CCDC192: variants seen among roughly 807,000 people sequenced by gnomAD.
CCDC192 encodes coiled-coil domain-containing protein 192.
chr5:127,759,984 G>T (rs1754821843), intron 3 of CCDC192, among the ~76,000 whole-genome samples: 1 of 152,116 alleles, frequency 6.6e-6, no homozygotes, highest in Admixed American at 6.6e-5. Context: ...TGGCAAGCTG[G>T]GGCAGGGAGG....
chr5:127,828,552 C>T (rs180765909), intron 5 of CCDC192, among the ~76,000 whole-genome samples: 1 of 152,306 alleles, frequency 6.6e-6, no homozygotes, highest in Admixed American at 6.5e-5. Flanking sequence ...GCCTGTGTCT[C>T]TTCTGGTACT....
chr5:127,899,167 T>TG (rs1389207330), intron 6 of CCDC192, among the ~76,000 whole-genome samples: 1 of 152,118 alleles, frequency 6.6e-6, no homozygotes, highest in Non-Finnish European at 1.5e-5. Context: ...TTTGCGTTTT[T>TG]GGGGGGAGTG....
intron 5 of CCDC192, among the ~76,000 whole-genome samples, chr5:127,800,446 TG>T (rs935371963): frequency 3.7e-5 from 4 of 109,056 alleles, no homozygotes; most frequent in Non-Finnish European, 7.6e-5. Context: ...CAAAGTTAAA[TG>T]GGTTTATTTC....
rs1754395683 is a variant in CCDC192, at chr5:127,941,269, C to T, written c.623C>T (p.Thr208Ile). 2 of 398,864 alleles carry T rather than the reference C, an allele frequency of 5.0e-6. No individual in the cohort carries two copies. Among genetic ancestry groups the T allele is most frequent in the African/African-American group, 2.1e-5 (1 of 48,604 alleles). The allele number at this position is 398,864 out of a possible 1,614,324, so 24.7% of individuals were successfully genotyped here. ...ATTAGCCTGATAATGGAACTGTCAA[C>T]CCAGGTTTCCCTTCAGACTGAGAGA... ...RKISLIMELS[T>I]QVSLQTERIT... is the part of the protein sequence containing the mutation. The change falls in exon 7 of 7, where the codon ACC becomes ATC. Residue 208 changes from threonine (T) to isoleucine (I), a missense_variant. Transcript: ENST00000514853.
intron 5 of CCDC192, among the ~76,000 whole-genome samples, chr5:127,822,917 A>G (rs962959684): frequency 1.3e-5 from 2 of 152,168 alleles, no homozygotes; most frequent in African/African-American, 4.8e-5. Flanking sequence ...TCTGCCTTGT[A>G]GGCTGGATAT....
In CCDC192 at chr5:127,884,342, C is replaced by CAAAAAAAAAAAAAAAAAAAAAAAAAAAA. The variant is rs778430655; in HGVS notation, c.535+8708_535+8709insAAAAAAAAAAAAAAAAAAAAAAAAAAAA. Among the ~76,000 whole-genome samples the CAAAAAAAAAAAAAAAAAAAAAAAAAAAA allele has an allele frequency of 1.6e-3, 19 of 11,854 alleles. 1 individual carries two copies. The highest frequency in any genetic ancestry group is 6.1e-3 in the Admixed American group (4 of 656). The allele number at this position is 11,854 out of a possible 152,430, so 7.8% of individuals were successfully genotyped here. Reference sequence around the variant, plus strand: ...TGGGCGACAGAGCAAGACTCCGTCTCAAAAAAAAAAAAAAAAAAAAAAAAA... The same window carrying CAAAAAAAAAAAAAAAAAAAAAAAAAAAA: ...TGGGCGACAGAGCAAGACTCCGTCTCAAAAAAAAAAAAAAAAAAAAAAAAAAAAAAAAAAAAAAAAAAAAAAAAAAAAA... On this transcript the variant is annotated intron_variant, in intron 6 of 6. Coordinates refer to ENST00000514853, the MANE Select transcript of CCDC192 (RefSeq NM_001317938.2).
intron 2 of CCDC192, among the ~76,000 whole-genome samples, chr5:127,715,641 G>A (rs915856183): frequency 4.6e-5 from 7 of 152,028 alleles, no homozygotes; most frequent in African/African-American, 1.4e-4. Flanking sequence ...ATTTTGATAG[G>A]GATTGCATTT....
intron 3 of CCDC192, among the ~76,000 whole-genome samples, chr5:127,787,215 G>A (rs572776096): frequency 1.4e-4 from 21 of 152,098 alleles, no homozygotes; most frequent in Non-Finnish European, 2.8e-4. Flanking sequence ...CATCTCCATG[G>A]TACCCAAAAG....
chr5:127,910,207 C>T (rs1326327901), intron 6 of CCDC192, among the ~76,000 whole-genome samples: 1 of 152,184 alleles, frequency 6.6e-6, no homozygotes, highest in East Asian at 1.9e-4. Flanking sequence ...TAATATGTGC[C>T]TTTATGGCTG....
chr5:127,910,045 A>G (rs543065912), intron 6 of CCDC192, among the ~76,000 whole-genome samples: 1 of 151,874 alleles, frequency 6.6e-6, no homozygotes, highest in Non-Finnish European at 1.5e-5. Context: ...TTAAACTTAG[A>G]CAAAACAGGC....
At chr5:127,886,712 A>G (rs1013495746) in intron 6 of CCDC192, among the ~76,000 whole-genome samples, 3 of 152,192 alleles carry the variant, frequency 2.0e-5, no homozygotes. Flanking sequence ...ACAGCAGGCT[A>G]TTAGTAGTTC....
At chr5:127,722,450 GC>G (rs1476488777) in intron 2 of CCDC192, among the ~76,000 whole-genome samples, 2 of 152,030 alleles carry the variant, frequency 1.3e-5, no homozygotes, top group African/African-American at 2.4e-5. Flanking sequence ...CTATACAGAA[GC>G]TTTTTAATGT....
chr5:127,935,018 T>C (rs1395836917), intron 6 of CCDC192, among the ~76,000 whole-genome samples: 1 of 152,192 alleles, frequency 6.6e-6, no homozygotes, highest in African/African-American at 2.4e-5. Context: ...TCACCGGTGA[T>C]CCTTGTTGGG....
intron 5 of CCDC192, among the ~76,000 whole-genome samples, chr5:127,839,258 A>G (rs1750169958): frequency 6.6e-6 from 1 of 152,236 alleles, no homozygotes; most frequent in South Asian, 2.1e-4. Flanking sequence ...GAAGTAGATG[A>G]CCATTCAAAG....
At chr5:127,894,716 G>A (rs1288631201) in intron 6 of CCDC192, among the ~76,000 whole-genome samples, 1 of 152,104 alleles carries the variant, frequency 6.6e-6, no homozygotes, top group Non-Finnish European at 1.5e-5. Context: ...CACCAGTATG[G>A]TAATATAAGA....
At chr5:127,905,133 T>C (rs942606002) in intron 6 of CCDC192, among the ~76,000 whole-genome samples, 1 of 152,190 alleles carries the variant, frequency 6.6e-6, no homozygotes, top group African/African-American at 2.4e-5. Flanking sequence ...TAAATTTTTA[T>C]GTCTTAAGCC....
At chr5:127,887,457 A>G (rs1352974576) in intron 6 of CCDC192, among the ~76,000 whole-genome samples, 1 of 152,124 alleles carries the variant, frequency 6.6e-6, no homozygotes, top group Non-Finnish European at 1.5e-5. Flanking sequence ...GTTGACTCAC[A>G]ATACATCAAC....
intron 6 of CCDC192, among the ~76,000 whole-genome samples, chr5:127,935,086 A>G (rs1010224422): frequency 3.3e-5 from 5 of 152,174 alleles, no homozygotes; most frequent in African/African-American, 1.2e-4. Flanking sequence ...AGGCAGAGGG[A>G]AAAGTAAACC....
chr5:127,766,344 A>G (rs1210194055), intron 3 of CCDC192, among the ~76,000 whole-genome samples: 2 of 152,004 alleles, frequency 1.3e-5, no homozygotes, highest in Non-Finnish European at 2.9e-5. Context: ...CAAATATAGG[A>G]AAAAAAAGTT....
Sources: gnomAD v4.1 joint callset for allele counts (sites outside exome capture counted in the v4.1 genomes callset) on GRCh38, gnomAD v4.1.1 for gene constraint, MANE v1.5 for transcripts, NCBI Gene and HGNC (gene_info 2026-07-23, HGNC 2026-07-21) for gene names.